Variants in DEFB108B observed in about 807,000 individuals in gnomAD.
DEFB108B encodes beta-defensin 108B.
Under a neutral mutation model 2.4 loss-of-function variants are expected in DEFB108B, and 3 were observed. That is an observed-to-expected ratio of 1.25 (90% CI 0.57 to 3.24). The LOEUF (loss-of-function observed/expected upper bound fraction) is 3.24, where lower values mean the gene tolerates loss of function less well. Among genes scored for constraint, DEFB108B ranks in the 30% most tolerant of loss-of-function variants. The probability of loss-of-function intolerance (pLI) is 0.03; values close to 1 mark genes in which losing one functional copy is unlikely to be tolerated. For missense variants in DEFB108B, 101 were observed against 87.8 expected (o/e 1.15, Z -0.60); for synonymous variants, 25 against 28.7 (o/e 0.87, Z 0.41).
intron 1 of DEFB108B, among the ~76,000 whole-genome samples, chr11:71,836,817 G>T (rs1473983819): frequency 1.3e-5 from 2 of 152,126 alleles, no homozygotes; most frequent in African/African-American, 4.8e-5. Context: ...AAACACATAG[G>T]AATATTGTTC....
chr11:71,834,476 T>C (rs1233850382), intron 1 of DEFB108B, among the ~76,000 whole-genome samples: 4 of 152,070 alleles, frequency 2.6e-5, no homozygotes, highest in Non-Finnish European at 5.9e-5. Context: ...GATAAACAAA[T>C]TTTTTTTGTT....
At chr11:71,836,797 T>C (rs1952221971) in intron 1 of DEFB108B, among the ~76,000 whole-genome samples, 1 of 152,204 alleles carries the variant, frequency 6.6e-6, no homozygotes. Flanking sequence ...CACAGATATA[T>C]TTGTGTATTA....
Position 71,836,108 on chromosome 11 carries a change from G to A in DEFB108B, c.59-1291G>A, listed in dbSNP as rs559970635. On this transcript the variant is annotated intron_variant, in intron 1 of 1. Transcript: ENST00000328698. ...CCAGTGGGCTTGGGTACTACTATAC[G>A]TAGTAGCTGACTACTTACAGATAAA... 6.6e-3 allele frequency among the ~76,000 whole-genome samples: 1,001 copies of A among 151,220 alleles called. 14 individuals are homozygous for A. The highest frequency in any genetic ancestry group is 0.022 in the African/African-American group (893 of 41,260).
intron 1 of DEFB108B, among the ~76,000 whole-genome samples, chr11:71,836,622 A>G (rs147085471): frequency 0.016 from 2,493 of 152,310 alleles, 69 homozygotes; most frequent in African/African-American, 0.057. Flanking sequence ...CATAAATGAA[A>G]TACTATACAA....
intron 1 of DEFB108B, among the ~76,000 whole-genome samples, chr11:71,836,574 T>C (rs1283109463): frequency 6.6e-6 from 1 of 152,194 alleles, no homozygotes; most frequent in African/African-American, 2.4e-5. Flanking sequence ...AATACCTCAG[T>C]GTGTGTGGCC....
chr11:71,836,574 T>A (rs1283109463), intron 1 of DEFB108B, among the ~76,000 whole-genome samples: 1 of 152,194 alleles, frequency 6.6e-6, no homozygotes, highest in Non-Finnish European at 1.5e-5. Flanking sequence ...AATACCTCAG[T>A]GTGTGTGGCC....
chr11:71,835,966 G>A (rs1429474099), intron 1 of DEFB108B, among the ~76,000 whole-genome samples: 3 of 152,190 alleles, frequency 2.0e-5, no homozygotes, highest in African/African-American at 7.2e-5. Context: ...TACTACCACA[G>A]AGGGATGTTC....
At chr11:71,836,758 G>C (rs1366948359) in intron 1 of DEFB108B, among the ~76,000 whole-genome samples, 1 of 152,228 alleles carries the variant, frequency 6.6e-6, no homozygotes, top group East Asian at 1.9e-4. Flanking sequence ...TAAGTAGTGA[G>C]TGAAGTCTCA....
At chr11:71,837,139 G>C (rs1952226164) in intron 1 of DEFB108B, 2 of 462,430 alleles carry the variant, frequency 4.3e-6, no homozygotes, top group African/African-American at 2.0e-5. Flanking sequence ...ACTTGTAAAG[G>C]GGAGCGGGCT....
At chr11:71,837,123 T>C in intron 1 of DEFB108B, 1 of 423,568 alleles carries the variant, frequency 2.4e-6, no homozygotes, top group Non-Finnish European at 4.4e-6. Context: ...ACTTGCATGC[T>C]CTAGAACTTG....
At chr11:71,833,885 A>G (rs2121248898) in intron 1 of DEFB108B, among the ~76,000 whole-genome samples, 1 of 152,254 alleles carries the variant, frequency 6.6e-6, no homozygotes, top group African/African-American at 2.4e-5. Flanking sequence ...CAGCATGCAA[A>G]CATTAATCAC....
intron 1 of DEFB108B, among the ~76,000 whole-genome samples, chr11:71,835,360 T>C (rs536067337): frequency 6.6e-6 from 1 of 152,326 alleles, no homozygotes; most frequent in East Asian, 1.9e-4. Context: ...GTTCCTGAGA[T>C]AATTTGCTTA....
At position 71,837,605 on chromosome 11, in the gene DEFB108B, C is replaced by T; in HGVS notation, c.*43C>T. On this transcript the variant is annotated 3_prime_UTR_variant, in exon 2 of 2. Coordinates refer to ENST00000328698, the MANE Select transcript of DEFB108B (RefSeq NM_001002035.2). ...AGGTTTTATGTTCTCTTTTTTCTCT[C>T]TCCCTCTCTCTGTCTCCCTGTCTCC... 2 of 1,588,870 alleles carry T rather than the reference C, an allele frequency of 1.3e-6. No individual in the cohort carries two copies. Among genetic ancestry groups the T allele is most frequent in the South Asian group, 1.2e-5 (1 of 86,520 alleles).
At chr11:71,834,078 A>T (rs1952198948) in intron 1 of DEFB108B, among the ~76,000 whole-genome samples, 1 of 152,186 alleles carries the variant, frequency 6.6e-6, no homozygotes, top group South Asian at 2.1e-4. Flanking sequence ...ATAGAGAAAA[A>T]AATTAAGGCC....
Position 71,837,637 on chromosome 11 carries a change from C to G in DEFB108B, c.*75C>G. 1 of 1,526,074 alleles carries G rather than the reference C, an allele frequency of 6.6e-7. No individual in the cohort carries two copies. The highest frequency in any genetic ancestry group is 8.8e-7 in the Non-Finnish European group (1 of 1,136,854). 94.5% of individuals were successfully genotyped at this position (1,526,074 alleles called of 1,614,324 possible). ...TCTCTGTCTCCCTGTCTCCCTTTCC[C>G]TCTCTCCATTTTTCTCACAGGGATT... On this transcript the variant is annotated 3_prime_UTR_variant, in exon 2 of 2. Coordinates refer to ENST00000328698, the MANE Select transcript of DEFB108B (RefSeq NM_001002035.2).
rs112457605 is a variant in DEFB108B, at chr11:71,837,266, TCACA to T, written c.59-110_59-107del. On this transcript the variant is annotated intron_variant, in intron 1 of 1. Transcript: ENST00000328698. Reference sequence around the variant, plus strand: ...ATTTTTAAGTGTTTAAGAAATCAAATCACACACACACACACACACACACACAAAT... The same window carrying T: ...ATTTTTAAGTGTTTAAGAAATCAAATCACACACACACACACACACACAAAT... 14,770 of 997,418 alleles carry T rather than the reference TCACA, an allele frequency of 0.015. 1,342 individuals are homozygous for T. In the African/African-American group the frequency reaches 0.22, roughly 15 times the overall value. The allele number at this position is 997,418 out of a possible 1,614,324, so 61.8% of individuals were successfully genotyped here. A position where few individuals can be genotyped will look rare whatever the true frequency, so the allele number is the denominator to read the frequency against.
At chr11:71,833,741 G>A (rs1037274767) in intron 1 of DEFB108B, among the ~76,000 whole-genome samples, 1 of 152,148 alleles carries the variant, frequency 6.6e-6, no homozygotes, top group Non-Finnish European at 1.5e-5. Flanking sequence ...GGTCACTGGG[G>A]CTTGACTTTT....
intron 1 of DEFB108B, among the ~76,000 whole-genome samples, chr11:71,836,851 T>C (rs945866120): frequency 3.3e-5 from 5 of 152,196 alleles, no homozygotes; most frequent in Non-Finnish European, 7.3e-5. Context: ...AAATATCCTC[T>C]CTAACAATTA....
At position 71,837,625 on chromosome 11, in the gene DEFB108B, G is replaced by A; in HGVS notation, c.*63G>A. 6.4e-7 allele frequency: 1 copy of A among 1,556,792 alleles called. No individual in the cohort carries two copies. Among genetic ancestry groups the A allele is most frequent in the Non-Finnish European group, 8.7e-7 (1 of 1,153,562 alleles). On this transcript the variant is annotated 3_prime_UTR_variant, in exon 2 of 2. Transcript: ENST00000328698. ...TCTCTCTCCCTCTCTCTGTCTCCCT[G>A]TCTCCCTTTCCCTCTCTCCATTTTT...
Sources: gnomAD v4.1 joint callset for allele counts (sites outside exome capture counted in the v4.1 genomes callset) on GRCh38, gnomAD v4.1.1 for gene constraint, MANE v1.5 for transcripts, NCBI Gene and HGNC (gene_info 2026-07-23, HGNC 2026-07-21) for gene names.